The following ZNF438 variants were observed in gnomAD, a reference collection of about 807,000 sequenced individuals.
ZNF438 encodes zinc finger protein 438.
Under a neutral mutation model 38.0 loss-of-function variants are expected in ZNF438, and 25 were observed. That is an observed-to-expected ratio of 0.66 (90% CI 0.48 to 0.92). The LOEUF (loss-of-function observed/expected upper bound fraction) is 0.92, where lower values mean the gene tolerates loss of function less well. Ranked by LOEUF, ZNF438 falls within the 40% of genes least tolerant of loss-of-function variation. ZNF438 has a pLI of 0.00. For missense variants in ZNF438, 1,007 were observed against 999.6 expected, an observed-to-expected ratio of 1.01 and a Z score of -0.10; for synonymous variants, 372 against 364.1, an observed-to-expected ratio of 1.02 and a Z score of -0.25.
chr10:30,990,630 C>A (rs2053385657), intron 1 of ZNF438, among the ~76,000 whole-genome samples: 1 of 152,114 alleles, frequency 6.6e-6, no homozygotes, highest in African/African-American at 2.4e-5. Flanking sequence ...TGAGTCTGAT[C>A]CAGTTCATGG....
chr10:30,949,110 A>T (rs2047826759), intron 1 of ZNF438, among the ~76,000 whole-genome samples: 1 of 152,208 alleles, frequency 6.6e-6, no homozygotes. Flanking sequence ...ATTCTTAAAG[A>T]CAACAATTTT....
intron 3 of ZNF438, among the ~76,000 whole-genome samples, chr10:30,892,225 A>G (rs1240361558): frequency 1.6e-5 from 2 of 128,912 alleles, no homozygotes; most frequent in African/African-American, 3.6e-5. Context: ...ATAGTACGAA[A>G]CCCTATATAT....
intron 1 of ZNF438, among the ~76,000 whole-genome samples, chr10:30,971,627 ATT>A (rs1248648805): frequency 6.6e-6 from 1 of 152,146 alleles, no homozygotes; most frequent in Non-Finnish European, 1.5e-5. Flanking sequence ...TGATTTCAGT[ATT>A]ACATGAAAAA....
At chr10:30,928,168 T>C (rs2045188013) in intron 2 of ZNF438, among the ~76,000 whole-genome samples, 1 of 152,200 alleles carries the variant, frequency 6.6e-6, no homozygotes, top group African/African-American at 2.4e-5. Flanking sequence ...ACTTTTATAA[T>C]ATTTACACAC....
chr10:30,939,744 G>T (rs1007610812), intron 2 of ZNF438, among the ~76,000 whole-genome samples: 2 of 152,142 alleles, frequency 1.3e-5, no homozygotes, highest in East Asian at 1.9e-4. Context: ...TGTTCAACCT[G>T]CCCAGAAACT....
intron 4 of ZNF438, among the ~76,000 whole-genome samples, chr10:30,855,008 AGTTAAG>A (rs927338539): frequency 6.6e-5 from 10 of 152,244 alleles, no homozygotes; most frequent in African/African-American, 2.4e-4. Context: ...ACCTTCTGAC[AGTTAAG>A]GTTTCCAGAA....
At chr10:30,946,575 C>A (rs2047437334) in intron 1 of ZNF438, among the ~76,000 whole-genome samples, 1 of 152,148 alleles carries the variant, frequency 6.6e-6, no homozygotes. Flanking sequence ...ATCTATGCAG[C>A]CAAAAAACAC....
chr10:30,951,638 G>A (rs372544809), intron 1 of ZNF438, among the ~76,000 whole-genome samples: 2 of 151,978 alleles, frequency 1.3e-5, no homozygotes, highest in African/African-American at 2.4e-5. Context: ...ATGAGTGAAC[G>A]CCCATTCACA....
intron 2 of ZNF438, among the ~76,000 whole-genome samples, chr10:30,911,222 A>G (rs2043048327): frequency 1.3e-5 from 2 of 152,152 alleles, no homozygotes; most frequent in South Asian, 4.1e-4. Flanking sequence ...CAGAGTTGCA[A>G]TATCTAGCAC....
intron 1 of ZNF438, among the ~76,000 whole-genome samples, chr10:31,026,180 C>T (rs569193573): frequency 2.6e-5 from 4 of 152,258 alleles, no homozygotes; most frequent in Non-Finnish European, 5.9e-5. Flanking sequence ...TAGGCATGGG[C>T]AAGGACTTCA....
intron 1 of ZNF438, among the ~76,000 whole-genome samples, chr10:31,021,554 C>T (rs556029304): frequency 6.6e-6 from 1 of 152,134 alleles, no homozygotes; most frequent in South Asian, 2.1e-4. Context: ...TGCTATATAT[C>T]ATTTTAATGG....
chr10:30,984,343 CTCT>C (rs2052540975), intron 1 of ZNF438, 23 bp downstream of exon 2: 1 of 152,120 alleles, frequency 6.6e-6, no homozygotes, highest in African/African-American at 2.4e-5. Context: ...TCAGAAATCT[CTCT>C]TCAAAAAATG....
intron 1 of ZNF438, among the ~76,000 whole-genome samples, chr10:30,977,508 A>C (rs1490109507): frequency 3.9e-5 from 6 of 152,182 alleles, no homozygotes; most frequent in Non-Finnish European, 8.8e-5. Flanking sequence ...AGCCAGCAGA[A>C]AAGGAAAAAA....
At chr10:30,957,135 G>A (rs886411208) in intron 1 of ZNF438, among the ~76,000 whole-genome samples, 3 of 152,158 alleles carry the variant, frequency 2.0e-5, no homozygotes, top group Admixed American at 1.3e-4. Context: ...GCGTTTCCCT[G>A]ATGTAGTGAT....
intron 4 of ZNF438, among the ~76,000 whole-genome samples, chr10:30,872,458 A>G (rs956857904): frequency 1.9e-5 from 2 of 105,522 alleles, no homozygotes; most frequent in African/African-American, 8.2e-5. Flanking sequence ...AAAAAAAAAA[A>G]AAAAAAAAGA....
chr10:30,844,783 C>T, exon 6 of ZNF438: 1 of 767,740 alleles, frequency 1.3e-6, no homozygotes, highest in Non-Finnish European at 2.1e-6. Flanking sequence ...GAAAAATATG[C>T]TTCGAGAGCT....
chr10:30,983,465 A>C (rs942572357), intron 1 of ZNF438, among the ~76,000 whole-genome samples: 1 of 152,224 alleles, frequency 6.6e-6, no homozygotes, highest in African/African-American at 2.4e-5. Context: ...AAACAACCGG[A>C]TCTCATGAGA....
chr10:30,894,234 A>G (rs2994616), intron 3 of ZNF438, among the ~76,000 whole-genome samples: 118,786 of 152,192 alleles, frequency 0.78, 47,137 homozygotes, highest in African/African-American at 0.89. Flanking sequence ...AGAAAATAAA[A>G]AGGGAAAATA....
chr10:30,894,542 G>C (rs1320593945), intron 3 of ZNF438, among the ~76,000 whole-genome samples: 2 of 152,134 alleles, frequency 1.3e-5, no homozygotes, highest in African/African-American at 4.8e-5. Flanking sequence ...TCAGGGCTGA[G>C]GACAGTGAAT....
Sources: gnomAD v4.1 joint callset for allele counts (sites outside exome capture counted in the v4.1 genomes callset) on GRCh38, gnomAD v4.1.1 for gene constraint, MANE v1.5 for transcripts, NCBI Gene and HGNC (gene_info 2026-07-23, HGNC 2026-07-21) for gene names.